Variants in SORCS3 observed in about 807,000 individuals in gnomAD.
The protein encoded by SORCS3 is sortilin related VPS10 domain containing receptor 3, also known as VPS10 domain-containing receptor SorCS3.
In SORCS3, 57 loss-of-function variants were observed where a neutral mutation model predicts 146.3. The ratio of observed to expected loss-of-function variants is 0.39; its 90% confidence interval spans 0.31 to 0.49. The LOEUF is 0.49. Among genes scored for constraint, SORCS3 ranks in the 20% least tolerant of loss-of-function variants. The pLI, the probability that SORCS3 is intolerant of heterozygous loss-of-function variation, is 0.92. For missense variants in SORCS3, 1,341 were observed against 1,575.5 expected, an observed-to-expected ratio of 0.85 and a Z score of 2.52; for synonymous variants, 653 against 618.5, an observed-to-expected ratio of 1.06 and a Z score of -0.83.
At chr10:104,795,774 C>T (rs537518370) in intron 1 of SORCS3, among the ~76,000 whole-genome samples, 6 of 152,320 alleles carry the variant, frequency 3.9e-5, no homozygotes, top group African/African-American at 1.4e-4. Context: ...CAGTTATCCT[C>T]TATGATCAAT....
intron 6 of SORCS3, among the ~76,000 whole-genome samples, chr10:105,091,676 A>G (rs576672700): frequency 6.6e-6 from 1 of 152,206 alleles, no homozygotes; most frequent in East Asian, 1.9e-4. Context: ...CTGAAGAGCT[A>G]TTGGGAATTT....
chr10:105,231,006 G>C (rs1173035076), intron 20 of SORCS3, among the ~76,000 whole-genome samples: 2 of 152,160 alleles, frequency 1.3e-5, no homozygotes. Flanking sequence ...GTGAGGATGT[G>C]GACTTCTGGA....
At chr10:105,076,356 C>T (rs182036067) in intron 5 of SORCS3, among the ~76,000 whole-genome samples, 31 of 152,234 alleles carry the variant, frequency 2.0e-4, no homozygotes, top group Admixed American at 6.5e-4. Context: ...CCACAAGTAC[C>T]CTGTTATCCT....
intron 10 of SORCS3, among the ~76,000 whole-genome samples, chr10:105,158,219 T>G (rs2056229272): frequency 6.6e-6 from 1 of 152,214 alleles, no homozygotes; most frequent in Non-Finnish European, 1.5e-5. Flanking sequence ...TTTCTCTTTC[T>G]TTCTATTTCT....
chr10:105,067,958 G>A (rs1564746419), intron 5 of SORCS3, among the ~76,000 whole-genome samples: 1 of 151,930 alleles, frequency 6.6e-6, no homozygotes. Flanking sequence ...TGCTTGCAAA[G>A]AGACACATTT....
At chr10:105,007,053 C>A (rs2055100744) in intron 4 of SORCS3, among the ~76,000 whole-genome samples, 1 of 152,156 alleles carries the variant, frequency 6.6e-6, no homozygotes, top group Non-Finnish European at 1.5e-5. Context: ...AGTCCCAGCA[C>A]AAGATCTTCA....
intron 1 of SORCS3, among the ~76,000 whole-genome samples, chr10:104,722,408 A>G (rs1410854440): frequency 2.0e-5 from 3 of 152,090 alleles, no homozygotes; most frequent in Non-Finnish European, 2.9e-5. Context: ...TTTTGCATCG[A>G]TGTTCATCAG....
At chr10:105,055,625 A>G (rs1464381858) in intron 5 of SORCS3, among the ~76,000 whole-genome samples, 1 of 152,174 alleles carries the variant, frequency 6.6e-6, no homozygotes, top group Non-Finnish European at 1.5e-5. Context: ...AGAGGAGATA[A>G]TTGGAATAAA....
intron 10 of SORCS3, among the ~76,000 whole-genome samples, chr10:105,157,709 G>A (rs2056223434): frequency 6.6e-6 from 1 of 152,132 alleles, no homozygotes. Context: ...TGTCCATATG[G>A]GACAGTTAAT....
At chr10:104,909,242 C>T (rs12783433) in intron 2 of SORCS3, among the ~76,000 whole-genome samples, 1,732 of 151,992 alleles carry the variant, frequency 0.011, 19 homozygotes, top group Non-Finnish European at 0.017. Flanking sequence ...GGTTGTTTTA[C>T]AGGAAAAAAA....
chr10:104,832,515 T>C, intron 1 of SORCS3, among the ~76,000 whole-genome samples: 1 of 152,072 alleles, frequency 6.6e-6, no homozygotes, highest in South Asian at 2.1e-4. Context: ...GTTAAGAGTT[T>C]GAGACCAGCC....
intron 1 of SORCS3, among the ~76,000 whole-genome samples, chr10:104,826,483 A>G (rs1490180): frequency 0.11 from 16,890 of 152,280 alleles, 1,050 homozygotes; most frequent in South Asian, 0.26. Flanking sequence ...CCCCATGCAC[A>G]TAAATGTTAT....
intron 1 of SORCS3, among the ~76,000 whole-genome samples, chr10:104,735,456 G>GTCTTTTTTTTTTTT (rs2016757296): frequency 2.9e-5 from 1 of 34,994 alleles, no homozygotes; most frequent in Non-Finnish European, 4.8e-5. Flanking sequence ...CTCACCGTCT[G>GTCTTTTTTTTTTTT]TTTTTTTTTT....
intron 4 of SORCS3, among the ~76,000 whole-genome samples, chr10:105,027,513 T>A (rs1343345465): frequency 6.6e-6 from 1 of 152,166 alleles, no homozygotes; most frequent in Non-Finnish European, 1.5e-5. Context: ...AATTCCCTAT[T>A]TATGACTTTG....
At chr10:105,149,633 G>T (rs1395766781) in intron 9 of SORCS3, among the ~76,000 whole-genome samples, 1 of 152,176 alleles carries the variant, frequency 6.6e-6, no homozygotes, top group Non-Finnish European at 1.5e-5. Context: ...TAAAGCCATA[G>T]AGATAAGACT....
intron 5 of SORCS3, among the ~76,000 whole-genome samples, chr10:105,048,735 C>A (rs114982358): frequency 0.013 from 1,937 of 151,976 alleles, 23 homozygotes; most frequent in African/African-American, 0.034. Flanking sequence ...GACTAAAAAC[C>A]GTTTCAAGAC....
chr10:104,809,671 C>T (rs1176659056), intron 1 of SORCS3, among the ~76,000 whole-genome samples: 2 of 152,196 alleles, frequency 1.3e-5, no homozygotes, highest in Non-Finnish European at 2.9e-5. Context: ...GTTCTCCAAG[C>T]GGGACTGCTT....
chr10:104,795,893 C>A (rs1289941288), intron 1 of SORCS3, among the ~76,000 whole-genome samples: 1 of 152,212 alleles, frequency 6.6e-6, no homozygotes, highest in Non-Finnish European at 1.5e-5. Context: ...AACCAAGATT[C>A]TTTGATCTTG....
chr10:105,241,109 T>C (rs1334620425), intron 20 of SORCS3, among the ~76,000 whole-genome samples: 1 of 152,174 alleles, frequency 6.6e-6, no homozygotes, highest in East Asian at 1.9e-4. Context: ...TGTCTTCTTT[T>C]CTCTTGACTA....
Sources: gnomAD v4.1 joint callset for allele counts (sites outside exome capture counted in the v4.1 genomes callset) on GRCh38, gnomAD v4.1.1 for gene constraint, MANE v1.5 for transcripts, NCBI Gene and HGNC (gene_info 2026-07-23, HGNC 2026-07-21) for gene names.